A1CF: variants seen among roughly 807,000 people sequenced by gnomAD.
A1CF encodes the protein APOBEC-1 stimulating protein.
A1CF carries 48 observed loss-of-function variants against 68.9 expected under a neutral mutation model. The observed-to-expected ratio is 0.70, with a 90% CI of 0.55 to 0.89. The LOEUF (loss-of-function observed/expected upper bound fraction) is 0.89, where lower values mean the gene tolerates loss of function less well. A1CF is among the 40% of genes least tolerant of loss of function. The pLI is 0.00. For missense variants in A1CF, 653 were observed against 718.9 expected (o/e 0.91, Z 1.05); for synonymous variants, 272 against 260.4 (o/e 1.04, Z -0.43).
chr10:50,861,095 A>G (rs192105981), intron 2 of A1CF, among the ~76,000 whole-genome samples: 7 of 152,290 alleles, frequency 4.6e-5, no homozygotes, highest in Admixed American at 4.6e-4. Context: ...ATTGTCCTTT[A>G]AAGACTCAGA....
chr10:50,864,960 C>T (rs1021387382), intron 1 of A1CF, among the ~76,000 whole-genome samples: 1 of 152,004 alleles, frequency 6.6e-6, no homozygotes, highest in African/African-American at 2.4e-5. Context: ...CCACTTTCAC[C>T]CTAGAGGAAG....
chr10:50,827,050 T>G (rs1282160070), intron 7 of A1CF, among the ~76,000 whole-genome samples: 1 of 152,080 alleles, frequency 6.6e-6, no homozygotes, highest in Non-Finnish European at 1.5e-5. Flanking sequence ...CATTACATAA[T>G]GGTAAAGGAA....
intron 7 of A1CF, among the ~76,000 whole-genome samples, chr10:50,822,489 TAC>T (rs1210987006): frequency 6.6e-6 from 1 of 152,224 alleles, no homozygotes; most frequent in African/African-American, 2.4e-5. Context: ...TTAGAGTTTT[TAC>T]TCTCCCACGT....
intron 1 of A1CF, among the ~76,000 whole-genome samples, chr10:50,873,883 CAT>C (rs1367645447): frequency 6.6e-6 from 1 of 151,838 alleles, no homozygotes; most frequent in Non-Finnish European, 1.5e-5. Context: ...GAAAAAATAC[CAT>C]AGGAACCACT....
In A1CF at chr10:50,873,153, G is replaced by T. The variant is rs1353334758; in HGVS notation, c.-93-9073C>A. ...GTATTTTTAGTAGAGACAGGGTTTT[G>T]CCATTTTGGCCAGGCTGGTCTCGAA... On this transcript the variant is annotated intron_variant, in intron 1 of 12. Transcript: ENST00000373997. Among the ~76,000 whole-genome samples, 3 of 151,360 alleles carry T rather than the reference G, an allele frequency of 2.0e-5. No individual in the cohort carries two copies. In the East Asian group the frequency reaches 5.8e-4, roughly 29 times the overall value.
intron 6 of A1CF, among the ~76,000 whole-genome samples, chr10:50,834,103 C>T (rs370634437): frequency 3.9e-5 from 6 of 152,052 alleles, no homozygotes; most frequent in East Asian, 3.9e-4. Flanking sequence ...AAAAGGAGTT[C>T]CTTCGGTGGG....
At chr10:50,880,036 G>A (rs1841699610) in intron 1 of A1CF, among the ~76,000 whole-genome samples, 1 of 152,176 alleles carries the variant, frequency 6.6e-6, no homozygotes, top group African/African-American at 2.4e-5. Flanking sequence ...ATGCTTTACA[G>A]TGGGAAGTGG....
At chr10:50,868,193 G>A (rs1442050016) in intron 1 of A1CF, among the ~76,000 whole-genome samples, 3 of 152,136 alleles carry the variant, frequency 2.0e-5, no homozygotes, top group Non-Finnish European at 2.9e-5. Context: ...GTTTTAGCAC[G>A]AATTTCAGCC....
At chr10:50,883,996 C>T (rs1243186559) in intron 1 of A1CF, among the ~76,000 whole-genome samples, 1 of 152,162 alleles carries the variant, frequency 6.6e-6, no homozygotes, top group Non-Finnish European at 1.5e-5. Flanking sequence ...TAGAAGTAGA[C>T]CCGATAATAT....
In A1CF at chr10:50,802,556, T is replaced by C. The variant is rs149088214; in HGVS notation, c.*4173A>G. 2 of 152,350 alleles carry C rather than the reference T, an allele frequency of 1.3e-5. No individual in the cohort carries two copies. The highest frequency in any genetic ancestry group is 4.8e-5 in the African/African-American group (2 of 41,588). The allele number at this position is 152,350 out of a possible 1,614,324, so 9.4% of individuals were successfully genotyped here. On this transcript the variant is annotated 3_prime_UTR_variant, in exon 13 of 13. Coordinates refer to ENST00000373997, the MANE Select transcript of A1CF (RefSeq NM_014576.4). ...AAAAAGTGCCAAGTTTCTAGTCTAA[T>C]TTTTAGATATATTTTCTTCCCCCTG... is the stretch of plus-strand genomic sequence containing the variant.
intron 5 of A1CF, among the ~76,000 whole-genome samples, chr10:50,838,821 A>G (rs1403197375): frequency 6.6e-6 from 1 of 152,124 alleles, no homozygotes; most frequent in Non-Finnish European, 1.5e-5. Flanking sequence ...GGCTTGTCTT[A>G]TTCCGTTTAT....
chr10:50,812,583 C>T (rs371247502), intron 10 of A1CF, among the ~76,000 whole-genome samples: 1 of 152,126 alleles, frequency 6.6e-6, no homozygotes, highest in Non-Finnish European at 1.5e-5. Context: ...TAAAATATTT[C>T]TAAGTATTCC....
intron 6 of A1CF, among the ~76,000 whole-genome samples, chr10:50,834,877 C>T (rs964613482): frequency 6.6e-5 from 10 of 152,082 alleles, no homozygotes; most frequent in African/African-American, 2.4e-4. Context: ...GGCCTAAGAA[C>T]AGGATGGATA....
intron 1 of A1CF, among the ~76,000 whole-genome samples, chr10:50,884,297 C>T (rs941140523): frequency 1.3e-5 from 2 of 152,108 alleles, no homozygotes; most frequent in African/African-American, 4.8e-5. Flanking sequence ...ATTTCTTTTC[C>T]TTGCCAGCTG....
intron 2 of A1CF, among the ~76,000 whole-genome samples, chr10:50,861,887 T>G (rs917121593): frequency 1.3e-5 from 2 of 149,176 alleles, no homozygotes; most frequent in Non-Finnish European, 3.0e-5. Flanking sequence ...TAGTATAGTA[T>G]TACTATAGTA....
chr10:50,829,527 C>T (rs987454604), intron 6 of A1CF, among the ~76,000 whole-genome samples: 1 of 152,064 alleles, frequency 6.6e-6, no homozygotes, highest in African/African-American at 2.4e-5. Context: ...TCAGTAAAAG[C>T]ATCCGTGGCC....
At chr10:50,879,320 C>T (rs1841666990) in intron 1 of A1CF, among the ~76,000 whole-genome samples, 1 of 152,200 alleles carries the variant, frequency 6.6e-6, no homozygotes, top group African/African-American at 2.4e-5. Flanking sequence ...ATGTCCTCTT[C>T]AGACACTAAC....
chr10:50,812,265 C>A (rs996816600), intron 10 of A1CF, among the ~76,000 whole-genome samples: 1 of 152,166 alleles, frequency 6.6e-6, no homozygotes, highest in African/African-American at 2.4e-5. Context: ...TCACTGCTGA[C>A]TTTGCAGGAA....
chr10:50,845,953 C>CAAA (rs151246598), intron 3 of A1CF, among the ~76,000 whole-genome samples: 7 of 113,212 alleles, frequency 6.2e-5, no homozygotes, highest in Admixed American at 9.0e-5. Context: ...GACTCTGTCT[C>CAAA]AAAAAAAAAA....
Sources: allele counts gnomAD v4.1 joint callset (sites outside exome capture counted in the v4.1 genomes callset), GRCh38; gene constraint gnomAD v4.1.1; transcripts MANE v1.5; gene names NCBI Gene and HGNC (gene_info 2026-07-23, HGNC 2026-07-21).